FANCB: variants seen among roughly 807,000 people sequenced by gnomAD.
FANCB encodes Fanconi anemia group B protein.
A neutral mutation model predicts 38.9 loss-of-function variants in FANCB; 5 were observed. The observed-to-expected ratio is 0.13, with a 90% CI of 0.07 to 0.27. FANCB has a LOEUF of 0.27. Ranked by LOEUF, FANCB falls within the 10% of genes least tolerant of loss-of-function variation. The pLI, the probability that FANCB is intolerant of heterozygous loss-of-function variation, is 1.00. For missense variants in FANCB, 573 were observed against 602.7 expected (o/e 0.95, Z 0.52); for synonymous variants, 236 against 215.4 (o/e 1.10, Z -0.84).
chrX:14,807,985 C>T, the FANCB span, among the ~76,000 whole-genome samples: 7 of 111,604 alleles, frequency 6.3e-5, no homozygotes, highest in Admixed American at 1.9e-4. Flanking sequence ...GAACAAATTC[C>T]TAGACACATA....
the FANCB span, among the ~76,000 whole-genome samples, chrX:14,792,681 A>C: frequency 8.9e-6 from 1 of 111,992 alleles, no homozygotes; most frequent in African/African-American, 3.2e-5. Context: ...TTGTAGGAGA[A>C]GAAATGTAAA....
chrX:14,800,550 G>A, the FANCB span, among the ~76,000 whole-genome samples: 1 of 111,623 alleles, frequency 9.0e-6, no homozygotes, highest in African/African-American at 3.3e-5. Flanking sequence ...AATTTCTATT[G>A]TTTTAAACCA....
the FANCB span, among the ~76,000 whole-genome samples, chrX:14,694,262 A>G: frequency 2.7e-5 from 3 of 111,642 alleles, no homozygotes; most frequent in Admixed American, 2.9e-4. Context: ...GAGAGAGGGT[A>G]AAACAAATTT....
the FANCB span, among the ~76,000 whole-genome samples, chrX:14,803,715 T>C: frequency 6.6e-4 from 73 of 111,424 alleles, 2 homozygotes; most frequent in East Asian, 0.02. Flanking sequence ...TCTTTCTTTT[T>C]CTGGTTGGGG....
In FANCB at chrX:14,843,573, A is replaced by G. The variant is rs1346844414; in HGVS notation, c.2574T>C (p.Asn858=). Residue 858 remains asparagine (N), a synonymous_variant, in exon 10 of 10, where the codon AAT becomes AAC. Coordinates refer to ENST00000650831, the MANE Select transcript of FANCB (RefSeq NM_001018113.3). ...KSDFAAQKLS[N]L ...GATCAAATTGAAATTATAATTATAAATTACTCAGTTTCTGTGCAGCAAAGT... is the reference window on the plus strand; with the variant it reads ...GATCAAATTGAAATTATAATTATAAGTTACTCAGTTTCTGTGCAGCAAAGT... 8.6e-7 allele frequency: 1 copy of G among 1,157,913 alleles called. No homozygotes were observed. Among genetic ancestry groups the G allele is most frequent in the East Asian group, 3.0e-5 (1 of 33,570 alleles).
chrX:14,850,697 C>A (rs2092397585), intron 6 of FANCB, 23 bp from the exon 7 acceptor site: 2 of 992,074 alleles, frequency 2.0e-6, no homozygotes, highest in East Asian at 3.2e-5. Context: ...GTTTAAATAA[C>A]TGATTATAAA....
chrX:14,752,572 A>G, the FANCB span, among the ~76,000 whole-genome samples: 1 of 112,135 alleles, frequency 8.9e-6, no homozygotes. Context: ...TCCCTACCCC[A>G]TACCTTTAAA....
chrX:14,791,846 T>C, the FANCB span, among the ~76,000 whole-genome samples: 1 of 112,218 alleles, frequency 8.9e-6, no homozygotes, highest in Admixed American at 9.5e-5. Flanking sequence ...CTTCTCTCAG[T>C]TGTTAATATA....
downstream of FANCB, among the ~76,000 whole-genome samples, chrX:14,832,652 G>T (rs1438771989): frequency 8.9e-6 from 1 of 112,042 alleles, no homozygotes; most frequent in African/African-American, 3.2e-5. Flanking sequence ...GTGAATGAAT[G>T]TGGGGCAGTA....
At position 14,865,249 on chromosome X, in the gene FANCB, C is replaced by T. The variant is rs142101123; in HGVS notation, c.262G>A (p.Gly88Arg). The change falls in exon 3 of 10, where the codon GGA (glycine) becomes AGA (arginine). Residue 88 changes from glycine to arginine, a missense_variant. Gly to Arg is a moderately radical substitution (Grantham distance 125). Transcript: ENST00000650831. ...ATCACAATGTAAGGGAGGTTAATTC[C>T]AGTTCTGAAATCTGACACACAGTTG... ...CCNCVSDFRT[G>R]INLPYIVIEK... The T allele has an allele frequency of 1.1e-4, 122 of 1,147,117 alleles. No individual in the cohort carries two copies. In the African/African-American group the frequency reaches 1.8e-3, roughly 17 times the overall value. The allele number at this position is 1,147,117 out of a possible 1,213,427, so 94.5% of individuals were successfully genotyped here. A position where few individuals can be genotyped will look rare whatever the true frequency, so the allele number is the denominator to read the frequency against.
At chrX:14,834,431 T>C (rs1292155181), downstream of FANCB, 5 of 435,454 alleles carry the variant, frequency 1.1e-5, no homozygotes, top group Non-Finnish European at 2.1e-5. Context: ...GGAAATGAAA[T>C]AAGATGGAAA....
chrX:14,858,996 A>T (rs1301842329), intron 4 of FANCB, among the ~76,000 whole-genome samples, 186 bp downstream of exon 4: 1 of 111,702 alleles, frequency 9.0e-6, no homozygotes, highest in Non-Finnish European at 1.9e-5. Flanking sequence ...AGCATGGTCA[A>T]TTTGTATAAC....
the FANCB span, among the ~76,000 whole-genome samples, chrX:14,738,796 T>A: frequency 2.7e-5 from 3 of 112,103 alleles, no homozygotes; most frequent in Non-Finnish European, 5.6e-5. Flanking sequence ...CAGCGCTAGC[T>A]TTAAGCTCCT....
the FANCB span, among the ~76,000 whole-genome samples, chrX:14,795,507 G>C: frequency 9.0e-6 from 1 of 111,338 alleles, no homozygotes; most frequent in Admixed American, 9.6e-5. Flanking sequence ...CTTGAGGAGA[G>C]AGGGTGTGAT....
At chrX:14,751,125 T>C in the FANCB span, among the ~76,000 whole-genome samples, 29 of 112,088 alleles carry the variant, frequency 2.6e-4, no homozygotes, top group Middle Eastern at 4.6e-3. Context: ...ACATCTCCCA[T>C]AGCCCAGCAA....
chrX:14,812,833 GATACCA>G, the FANCB span, among the ~76,000 whole-genome samples: 1 of 110,959 alleles, frequency 9.0e-6, no homozygotes, highest in East Asian at 2.8e-4. Flanking sequence ...GCATCATCCT[GATACCA>G]AAGCCGGGCA....
At chrX:14,867,067 T>G (rs999666260) in intron 2 of FANCB, among the ~76,000 whole-genome samples, 9 of 111,271 alleles carry the variant, frequency 8.1e-5, no homozygotes, top group Middle Eastern at 4.6e-3. Context: ...TATAATATAC[T>G]GATGAAAAAA....
At chrX:14,730,683 G>T in the FANCB span, 1 of 417,691 alleles carries the variant, frequency 2.4e-6, no homozygotes, top group Admixed American at 4.1e-5. Context: ...ACAAAATTAA[G>T]GGGTTGCAGA....
chrX:14,853,230 A>G, intron 5 of FANCB, 63 bp from the exon 6 acceptor site: 1 of 1,005,190 alleles, frequency 9.9e-7, no homozygotes, highest in Non-Finnish European at 1.4e-6. Context: ...AGACATACCA[A>G]TAATTCAGGA....
Sources: allele counts gnomAD v4.1 joint callset (sites outside exome capture counted in the v4.1 genomes callset), GRCh38; gene constraint gnomAD v4.1.1; transcripts MANE v1.5; gene names NCBI Gene and HGNC (gene_info 2026-07-23, HGNC 2026-07-21).